The following CREB1 variants were observed in gnomAD, a reference collection of about 807,000 sequenced individuals.
The protein encoded by CREB1 is cAMP responsive element binding protein 1.
In CREB1, 2 loss-of-function variants were observed where a neutral mutation model predicts 42.0. The observed-to-expected ratio is 0.05, with a 90% CI of 0.02 to 0.15. The LOEUF (loss-of-function observed/expected upper bound fraction) is 0.15, where lower values mean the gene tolerates loss of function less well. CREB1 is among the 10% of genes least tolerant of loss of function. CREB1 has a pLI of 1.00. For missense variants in CREB1, 199 were observed against 388.9 expected (o/e 0.51, Z 4.11); for synonymous variants, 123 against 139.9 (o/e 0.88, Z 0.85).
rs1341927012 is a variant in CREB1, at chr2:207,594,969, A to G, written c.840-1945A>G. On this transcript the variant is annotated intron_variant, in intron 7 of 7. Coordinates refer to ENST00000353267, the MANE Select transcript of CREB1 (RefSeq NM_004379.5). ...TAGTGGTTTTGATTTGCATTTCCCT[A>G]GTGATTAGTGATGTTGAGCATCTTT... Among the ~76,000 whole-genome samples the G allele has an allele frequency of 2.1e-5, 3 of 141,560 alleles. 1 individual carries two copies. Among genetic ancestry groups the G allele is most frequent in the African/African-American group, 7.8e-5 (3 of 38,480 alleles). The allele number at this position is 141,560 out of a possible 152,430, so 92.9% of individuals were successfully genotyped here.
intron 3 of CREB1, among the ~76,000 whole-genome samples, chr2:207,562,127 A>G (rs1194788700): frequency 1.3e-5 from 2 of 152,274 alleles, no homozygotes; most frequent in East Asian, 3.9e-4. Flanking sequence ...ATTGAGTGCT[A>G]CCTTACCATT....
chr2:207,578,124 T>A (rs948848374), intron 7 of CREB1: 1 of 154,738 alleles, frequency 6.5e-6, no homozygotes, highest in African/African-American at 2.4e-5. Flanking sequence ...TAATAACATT[T>A]TAACACCTAA....
intron 1 of CREB1, among the ~76,000 whole-genome samples, chr2:207,547,954 G>A (rs1401694059): frequency 2.0e-5 from 3 of 150,854 alleles, no homozygotes; most frequent in Non-Finnish European, 3.0e-5. Flanking sequence ...AAATTGAGAT[G>A]GAGTCTCATT....
rs1369530086 is a variant in CREB1 at position 207,565,615 on chromosome 2, ATGT to A, written c.262-1840_262-1838del. Among the ~76,000 whole-genome samples, 6 of 151,944 alleles carry A rather than the reference ATGT, an allele frequency of 3.9e-5. No homozygotes were observed. The East Asian group carries it at 5.8e-4, about 15-fold the overall frequency. On this transcript the variant is annotated intron_variant, in intron 3 of 7. Coordinates refer to ENST00000353267, the MANE Select transcript of CREB1 (RefSeq NM_004379.5). ...TGGGTAGTTTATATGGCATGTTTTA[ATGT>A]TGTTGTTTTAGTGAGTTCCAACTTG...
intron 7 of CREB1, among the ~76,000 whole-genome samples, chr2:207,585,780 G>A (rs1378734947): frequency 2.6e-5 from 4 of 152,014 alleles, no homozygotes; most frequent in Non-Finnish European, 5.9e-5. Flanking sequence ...AAAAACAGTC[G>A]AGCAGAAAGA....
chr2:207,562,652 C>G (rs2081998057), intron 3 of CREB1, among the ~76,000 whole-genome samples: 1 of 151,922 alleles, frequency 6.6e-6, no homozygotes, highest in Admixed American at 6.6e-5. Flanking sequence ...CTTTAAAAGG[C>G]CTAAACTATA....
At chr2:207,531,408 A>T (rs1167935009) in intron 1 of CREB1, among the ~76,000 whole-genome samples, 1 of 152,254 alleles carries the variant, frequency 6.6e-6, no homozygotes, top group African/African-American at 2.4e-5. Context: ...GAGATTGACA[A>T]TTTAAGCCAC....
At chr2:207,563,675 G>C (rs1042337261) in intron 3 of CREB1, among the ~76,000 whole-genome samples, 3 of 152,166 alleles carry the variant, frequency 2.0e-5, no homozygotes, top group Non-Finnish European at 4.4e-5. Context: ...CAGACTCCGT[G>C]GCTCATTCCT....
rs1329986155 is a variant in CREB1 at position 207,604,208 on chromosome 2, C to A, written c.*7150C>A. Among the ~76,000 whole-genome samples, 2 of 152,176 alleles carry A rather than the reference C, an allele frequency of 1.3e-5. No individual in the cohort carries two copies. The highest frequency in any genetic ancestry group is 4.8e-5 in the African/African-American group (2 of 41,450). ...GTCATTTGACCAGGCACTGAAGTGA[C>A]AAGACCATCCTTGAGAAGTCACATC... On this transcript the variant is annotated 3_prime_UTR_variant, in exon 8 of 8. Coordinates refer to ENST00000353267, the MANE Select transcript of CREB1 (RefSeq NM_004379.5).
chr2:207,595,323 A>C (rs2106636780), intron 7 of CREB1, among the ~76,000 whole-genome samples: 1 of 151,938 alleles, frequency 6.6e-6, no homozygotes, highest in African/African-American at 2.4e-5. Flanking sequence ...TAGGCCATTT[A>C]TATATCTCTG....
rs536887795 is a variant in CREB1 at position 207,597,419 on chromosome 2, T to G, written c.*361T>G. 4.0e-6 allele frequency: 1 copy of G among 252,750 alleles called. No homozygotes were observed. The highest frequency in any genetic ancestry group is 1.2e-4 in the South Asian group (1 of 8,244). 15.7% of individuals were successfully genotyped at this position (252,750 alleles called of 1,614,324 possible). A position where few individuals can be genotyped will look rare whatever the true frequency, so the allele number is the denominator to read the frequency against. On this transcript the variant is annotated 3_prime_UTR_variant, in exon 8 of 8. Coordinates refer to ENST00000353267, the MANE Select transcript of CREB1 (RefSeq NM_004379.5). Reference sequence around the variant, plus strand: ...TCAAGGTTTGTGCTGAGCTCCTTGATTGCCTTAGGGACAGAATTACCCCAG... The same window carrying G: ...TCAAGGTTTGTGCTGAGCTCCTTGAGTGCCTTAGGGACAGAATTACCCCAG...
At chr2:207,550,926 T>C (rs1378819689) in intron 1 of CREB1, among the ~76,000 whole-genome samples, 1 of 152,232 alleles carries the variant, frequency 6.6e-6, no homozygotes. Context: ...GAATGTAAGC[T>C]ACATACAAGC....
At chr2:207,541,349 G>T (rs1278186845) in intron 1 of CREB1, among the ~76,000 whole-genome samples, 1 of 152,130 alleles carries the variant, frequency 6.6e-6, no homozygotes, top group Non-Finnish European at 1.5e-5. Context: ...AGCTCCGTTT[G>T]TGATAAGCAC....
chr2:207,530,502 C>T (rs930802675), intron 1 of CREB1, among the ~76,000 whole-genome samples: 1 of 144,272 alleles, frequency 6.9e-6, no homozygotes, highest in Non-Finnish European at 1.5e-5. Context: ...CCGGGCCGGG[C>T]GCGGAGCCGG....
chr2:207,542,325 TTTTG>T (rs1347540321), intron 1 of CREB1, among the ~76,000 whole-genome samples: 1 of 152,146 alleles, frequency 6.6e-6, no homozygotes, highest in African/African-American at 2.4e-5. Context: ...GGTTTTGGGT[TTTTG>T]TTTTTGTTTT....
At chr2:207,545,408 A>G (rs1479379978) in intron 1 of CREB1, among the ~76,000 whole-genome samples, 2 of 152,094 alleles carry the variant, frequency 1.3e-5, no homozygotes, top group Admixed American at 6.5e-5. Flanking sequence ...AGGTTTCACT[A>G]TGTTGGCCAG....
chr2:207,560,205 T>A (rs1205705038), intron 2 of CREB1, 21 bp from the exon 3 acceptor site: 1 of 1,543,762 alleles, frequency 6.5e-7, no homozygotes. Flanking sequence ...TGATAATTCT[T>A]TTCTGTGTTC....
rs35836086 is a variant in CREB1 at position 207,599,690 on chromosome 2, G to C, written c.*2632G>C. The stretch of plus-strand genomic sequence containing the variant: ...GATAAAATCAAGCATCTTTTGTGCA[G>C]TTTTCTTTTTTTAATGCAAGAATGG... On this transcript the variant is annotated 3_prime_UTR_variant, in exon 8 of 8. Transcript: ENST00000353267. 2 of 196,636 alleles carry C rather than the reference G, an allele frequency of 1.0e-5. No individual in the cohort carries two copies. Among genetic ancestry groups the C allele is most frequent in the Admixed American group, 6.1e-5 (1 of 16,500 alleles). 12.2% of individuals were successfully genotyped at this position (196,636 alleles called of 1,614,324 possible).
chr2:207,540,885 T>A (rs2081074879), intron 1 of CREB1, among the ~76,000 whole-genome samples: 1 of 152,078 alleles, frequency 6.6e-6, no homozygotes, highest in Non-Finnish European at 1.5e-5. Flanking sequence ...TAAGCTACGG[T>A]TAATGTATTA....
Sources: allele counts gnomAD v4.1 joint callset (sites outside exome capture counted in the v4.1 genomes callset), GRCh38; gene constraint gnomAD v4.1.1; transcripts MANE v1.5; gene names NCBI Gene and HGNC (gene_info 2026-07-23, HGNC 2026-07-21).